EPHA3: variants seen among roughly 807,000 people sequenced by gnomAD.
EPHA3 encodes the protein ephrin type-A receptor 3.
A neutral mutation model predicts 107.1 loss-of-function variants in EPHA3; 42 were observed. The ratio of observed to expected loss-of-function variants is 0.39; its 90% CI spans 0.31 to 0.51. The LOEUF (loss-of-function observed/expected upper bound fraction) is 0.51, where lower values mean the gene tolerates loss of function less well. Ranked by LOEUF, EPHA3 falls within the 20% of genes least tolerant of loss-of-function variation. The probability of loss-of-function intolerance (pLI) is 0.78; values close to 1 mark genes in which losing one functional copy is unlikely to be tolerated. For synonymous variants in EPHA3, 461 were observed against 424.8 expected (o/e 1.09, Z -1.05); for missense variants, 1,183 against 1,211.2 (o/e 0.98, Z 0.35).
At chr3:89,263,917 G>T (rs192294953) in intron 3 of EPHA3, among the ~76,000 whole-genome samples, 16 of 152,074 alleles carry the variant, frequency 1.1e-4, no homozygotes, top group African/African-American at 2.9e-4. Context: ...GTTACATTCC[G>T]AAGTTTTAGG....
intron 3 of EPHA3, among the ~76,000 whole-genome samples, chr3:89,339,905 G>C (rs1016936048): frequency 6.6e-6 from 1 of 152,098 alleles, no homozygotes; most frequent in African/African-American, 2.4e-5. Flanking sequence ...GACTTCCAAG[G>C]ATCATCTTGA....
chr3:89,435,896 C>T (rs1227021908), intron 13 of EPHA3, among the ~76,000 whole-genome samples: 1 of 150,144 alleles, frequency 6.7e-6, no homozygotes, highest in East Asian at 1.9e-4. Flanking sequence ...GAGGTTGCAG[C>T]GAACGGAGAT....
intron 2 of EPHA3, among the ~76,000 whole-genome samples, chr3:89,162,801 C>A (rs1283625635): frequency 6.6e-6 from 1 of 152,140 alleles, no homozygotes; most frequent in African/African-American, 2.4e-5. Flanking sequence ...CCTGCAAAAT[C>A]ACTGGATGTG....
intron 1 of EPHA3, among the ~76,000 whole-genome samples, chr3:89,115,845 C>T (rs955616367): frequency 2.0e-5 from 3 of 152,138 alleles, no homozygotes; most frequent in African/African-American, 7.2e-5. Context: ...TATGTTTTCT[C>T]CTAGACACAA....
chr3:89,195,235 C>T (rs1306095877), intron 2 of EPHA3, among the ~76,000 whole-genome samples: 2 of 152,012 alleles, frequency 1.3e-5, no homozygotes, highest in East Asian at 3.9e-4. Flanking sequence ...CATAAGTTCT[C>T]ACACCTGTTT....
intron 2 of EPHA3, among the ~76,000 whole-genome samples, chr3:89,159,257 A>T (rs193199583): frequency 4.5e-4 from 69 of 152,272 alleles, no homozygotes; most frequent in Admixed American, 1.2e-3. Context: ...CCAAAATCAG[A>T]TGCATGTTTT....
Position 89,309,319 on chromosome 3 carries a change from A to C in EPHA3, c.815-31597A>C, listed in dbSNP as rs561435466. On this transcript the variant is annotated intron_variant, in intron 3 of 16. Transcript: ENST00000336596. ...TTTTGATACGGAGAAGGGGAATAGG[A>C]GAGAATATTGTTTTGTTTGCTTCGT... 2.6e-5 allele frequency among the ~76,000 whole-genome samples: 4 copies of C among 152,264 alleles called. No individual in the cohort carries two copies. The East Asian group carries it at 7.7e-4, about 29-fold the overall frequency.
chr3:89,407,960 ATTGT>A (rs1274576652), intron 8 of EPHA3, 103 bp from the exon 9 acceptor site: 2 of 1,084,482 alleles, frequency 1.8e-6, no homozygotes, highest in African/African-American at 3.2e-5. Flanking sequence ...AAAGCATTTA[ATTGT>A]TTGAGGAAAA....
chr3:89,131,304 G>A (rs1157182909), intron 2 of EPHA3, among the ~76,000 whole-genome samples: 5 of 152,038 alleles, frequency 3.3e-5, no homozygotes, highest in Non-Finnish European at 7.4e-5. Flanking sequence ...TCAGAAATTT[G>A]GGTAAATAAT....
intron 13 of EPHA3, among the ~76,000 whole-genome samples, chr3:89,435,591 C>T (rs1709651935): frequency 1.4e-5 from 2 of 141,526 alleles, no homozygotes; most frequent in Non-Finnish European, 3.0e-5. Flanking sequence ...TATATAAATA[C>T]ATCTATATAT....
chr3:89,430,833 T>C (rs1216960945), intron 12 of EPHA3, among the ~76,000 whole-genome samples: 1 of 152,164 alleles, frequency 6.6e-6, no homozygotes, highest in African/African-American at 2.4e-5. Context: ...CATTTCACTT[T>C]TTTGTTCTTA....
intron 11 of EPHA3, among the ~76,000 whole-genome samples, chr3:89,428,041 A>T (rs1709493299): frequency 6.6e-6 from 1 of 152,036 alleles, no homozygotes; most frequent in South Asian, 2.1e-4. Context: ...TAAGGTCATC[A>T]TTTTAATTTA....
At chr3:89,294,162 C>A (rs917680917) in intron 3 of EPHA3, among the ~76,000 whole-genome samples, 4 of 152,100 alleles carry the variant, frequency 2.6e-5, no homozygotes, top group African/African-American at 9.7e-5. Flanking sequence ...TTTTCTTCTA[C>A]AAATTTTATA....
intron 15 of EPHA3, among the ~76,000 whole-genome samples, chr3:89,451,675 G>A (rs758715093): frequency 3.3e-5 from 5 of 152,082 alleles, no homozygotes; most frequent in Non-Finnish European, 7.4e-5. Flanking sequence ...TATCAGTAAC[G>A]ATGACTTGTG....
At chr3:89,297,247 G>A (rs1056728518) in intron 3 of EPHA3, among the ~76,000 whole-genome samples, 2 of 152,120 alleles carry the variant, frequency 1.3e-5, no homozygotes, top group Non-Finnish European at 2.9e-5. Context: ...TTTAGCTTCT[G>A]TGGGCTTTTA....
chr3:89,234,908 C>G (rs1190217603), intron 3 of EPHA3, among the ~76,000 whole-genome samples: 10 of 140,138 alleles, frequency 7.1e-5, no homozygotes, highest in African/African-American at 2.7e-4. Flanking sequence ...CCTTCTCTTC[C>G]TTCCTGCCTT....
rs574486915 is a variant in EPHA3, at chr3:89,114,393, G to A, written c.88+6557G>A. Among the ~76,000 whole-genome samples the A allele has an allele frequency of 3.7e-4, 57 of 152,192 alleles. 1 individual carries two copies. The highest frequency in any genetic ancestry group is 1.3e-3 in the African/African-American group (52 of 41,536). On this transcript the variant is annotated intron_variant, in intron 1 of 16. Coordinates refer to ENST00000336596, the MANE Select transcript of EPHA3 (RefSeq NM_005233.6). ...ACTATTCTCCGCTAGGTCCAGGCTC[G>A]TTGGTGCAAAGGGAAAACAACGGTG... is the stretch of plus-strand genomic sequence containing the variant.
intron 2 of EPHA3, among the ~76,000 whole-genome samples, chr3:89,163,229 G>T (rs1048675406): frequency 2.0e-5 from 3 of 152,108 alleles, no homozygotes; most frequent in African/African-American, 7.2e-5. Flanking sequence ...GTACAGATTA[G>T]AGGTTATATT....
intron 2 of EPHA3, among the ~76,000 whole-genome samples, chr3:89,192,142 G>A (rs949968602): frequency 1.3e-5 from 2 of 152,090 alleles, no homozygotes; most frequent in Non-Finnish European, 2.9e-5. Flanking sequence ...ACTTAGAAAA[G>A]TGTCTGGCCC....
Sources: allele counts gnomAD v4.1 joint callset (sites outside exome capture counted in the v4.1 genomes callset), GRCh38; gene constraint gnomAD v4.1.1; transcripts MANE v1.5; gene names NCBI Gene and HGNC (gene_info 2026-07-23, HGNC 2026-07-21).